Variants in FRMD4B observed in about 807,000 individuals in gnomAD.
The protein encoded by FRMD4B is FERM domain-containing protein 4B.
A neutral mutation model predicts 141.5 loss-of-function variants in FRMD4B; 74 were observed. The observed-to-expected ratio is 0.52, with a 90% CI of 0.43 to 0.63. FRMD4B has a LOEUF of 0.63. Ranked by LOEUF, FRMD4B falls within the 30% of genes least tolerant of loss-of-function variation. The probability of loss-of-function intolerance (pLI) is 0.00; values close to 1 mark genes in which losing one functional copy is unlikely to be tolerated. For missense variants in FRMD4B, 1,366 were observed against 1,253.4 expected (o/e 1.09, Z -1.36); for synonymous variants, 506 against 467.9 (o/e 1.08, Z -1.05).
At chr3:69,258,401 A>G (rs2093505737) in intron 5 of FRMD4B, among the ~76,000 whole-genome samples, 1 of 152,226 alleles carries the variant, frequency 6.6e-6, no homozygotes, top group African/African-American at 2.4e-5. Flanking sequence ...GCAAAATCAA[A>G]CATTTTCACT....
upstream of FRMD4B, among the ~76,000 whole-genome samples, chr3:69,389,032 CTTTTT>C (rs34005688): frequency 1.5e-3 from 158 of 108,750 alleles, no homozygotes; most frequent in African/African-American, 5.1e-3. Context: ...TCTTAGTCTA[CTTTTT>C]TTTTTTTTTT....
chr3:69,366,263 AAAC>A (rs1329037841), intron 1 of FRMD4B, among the ~76,000 whole-genome samples: 1 of 107,420 alleles, frequency 9.3e-6, no homozygotes, highest in African/African-American at 4.1e-5. Context: ...CTGTCTCAAA[AAAC>A]AAAAACAAAA....
At chr3:69,191,800 C>A (rs1361357634) in intron 17 of FRMD4B, among the ~76,000 whole-genome samples, 1 of 152,174 alleles carries the variant, frequency 6.6e-6, no homozygotes, top group Non-Finnish European at 1.5e-5. Flanking sequence ...ACTAATCACC[C>A]ATATCTGTAG....
chr3:69,257,983 C>T (rs1259211396), intron 5 of FRMD4B, among the ~76,000 whole-genome samples: 1 of 152,138 alleles, frequency 6.6e-6, no homozygotes, highest in Non-Finnish European at 1.5e-5. Context: ...CGTGCCACCA[C>T]ACCAGGCTAT....
chr3:69,368,443 A>G (rs2107484217), intron 1 of FRMD4B, among the ~76,000 whole-genome samples: 1 of 152,346 alleles, frequency 6.6e-6, no homozygotes, highest in South Asian at 2.1e-4. Context: ...GTGGCTGAGG[A>G]AGGCACTGTG....
At chr3:69,239,353 CAG>C (rs1033865828) in intron 7 of FRMD4B, among the ~76,000 whole-genome samples, 49 of 152,266 alleles carry the variant, frequency 3.2e-4, no homozygotes, top group African/African-American at 1.1e-3. Flanking sequence ...TAACTTGTAA[CAG>C]GGGACAATTA....
chr3:69,481,310 G>A (rs929165433), intron 1 of FRMD4B, among the ~76,000 whole-genome samples: 16 of 152,150 alleles, frequency 1.1e-4, no homozygotes, highest in Admixed American at 2.0e-4. Context: ...TGTCGCTCAC[G>A]CTGGGAGCTG....
chr3:69,374,218 A>C (rs1027855154), intron 1 of FRMD4B, among the ~76,000 whole-genome samples: 1 of 152,200 alleles, frequency 6.6e-6, no homozygotes, highest in African/African-American at 2.4e-5. Flanking sequence ...CAAACTTAAA[A>C]GATCTTATTT....
At chr3:69,281,380 G>C (rs1438304918) in intron 5 of FRMD4B, among the ~76,000 whole-genome samples, 1 of 152,066 alleles carries the variant, frequency 6.6e-6, no homozygotes, top group African/African-American at 2.4e-5. Context: ...AGTAAATGTA[G>C]GTGTTTTCAT....
intron 2 of FRMD4B, among the ~76,000 whole-genome samples, chr3:69,313,074 G>C (rs1006152801): frequency 8.5e-5 from 13 of 152,178 alleles, no homozygotes; most frequent in Admixed American, 7.2e-4. Flanking sequence ...GACAGTGGCA[G>C]ACAGATTCTC....
At chr3:69,485,555 C>A (rs2107003104) in intron 1 of FRMD4B, among the ~76,000 whole-genome samples, 1 of 152,346 alleles carries the variant, frequency 6.6e-6, no homozygotes, top group Non-Finnish European at 1.5e-5. Flanking sequence ...GCAGATGCAA[C>A]TGGGGAGCTC....
At chr3:69,284,758 T>A (rs543870870) in intron 5 of FRMD4B, among the ~76,000 whole-genome samples, 1 of 152,178 alleles carries the variant, frequency 6.6e-6, no homozygotes, top group Non-Finnish European at 1.5e-5. Flanking sequence ...GACATTAGGA[T>A]AAACAGACAA....
At chr3:69,508,405 A>G (rs948151827) in intron 1 of FRMD4B, among the ~76,000 whole-genome samples, 13 of 152,300 alleles carry the variant, frequency 8.5e-5, no homozygotes, top group African/African-American at 3.1e-4. Flanking sequence ...ACAGGCTGGG[A>G]AAATTTCCTT....
chr3:69,294,433 G>A (rs1321718089), intron 4 of FRMD4B, among the ~76,000 whole-genome samples: 1 of 152,204 alleles, frequency 6.6e-6, no homozygotes, highest in Non-Finnish European at 1.5e-5. Context: ...CAGTGCTTAT[G>A]GGAGTCCAAT....
At chr3:69,250,869 C>G (rs1158022011) in intron 5 of FRMD4B, among the ~76,000 whole-genome samples, 1 of 151,658 alleles carries the variant, frequency 6.6e-6, no homozygotes, top group Non-Finnish European at 1.5e-5. Flanking sequence ...AGAAGGATCA[C>G]TTGAGGCCAG....
At chr3:69,485,874 A>C (rs1156354718) in intron 1 of FRMD4B, among the ~76,000 whole-genome samples, 8 of 152,250 alleles carry the variant, frequency 5.3e-5, no homozygotes, top group African/African-American at 1.9e-4. Context: ...TGCAGTGGCC[A>C]GTGTGATGGC....
intron 1 of FRMD4B, among the ~76,000 whole-genome samples, chr3:69,341,237 G>A (rs978766591): frequency 8.5e-5 from 13 of 152,136 alleles, no homozygotes; most frequent in African/African-American, 1.9e-4. Context: ...CAGTTACCAC[G>A]AACAACCTCC....
At position 69,171,805 on chromosome 3, in the gene FRMD4B, T is replaced by C; in HGVS notation, c.*56A>G. 5 of 1,553,116 alleles carry C rather than the reference T, an allele frequency of 3.2e-6. No individual in the cohort carries two copies. The highest frequency in any genetic ancestry group is 3.5e-6 in the Non-Finnish European group (4 of 1,132,708). Reference sequence around the variant, plus strand: ...CATCCTCTCGGAAGACAAATACAATTTGCAAGGCACACTAGTGTGAGAACG... The same window carrying C: ...CATCCTCTCGGAAGACAAATACAATCTGCAAGGCACACTAGTGTGAGAACG... On this transcript the variant is annotated 3_prime_UTR_variant, in exon 23 of 23. Transcript: ENST00000398540.
intron 7 of FRMD4B, among the ~76,000 whole-genome samples, chr3:69,247,695 C>T (rs2093434169): frequency 6.6e-6 from 1 of 152,146 alleles, no homozygotes; most frequent in African/African-American, 2.4e-5. Flanking sequence ...TTTGCCCAGG[C>T]CGGACTGCAG....
Sources: allele counts gnomAD v4.1 joint callset (sites outside exome capture counted in the v4.1 genomes callset), GRCh38; gene constraint gnomAD v4.1.1; transcripts MANE v1.5; gene names NCBI Gene and HGNC (gene_info 2026-07-23, HGNC 2026-07-21).